Variants in CDS1 observed in about 807,000 individuals in gnomAD.
The protein encoded by CDS1 is CDP-diacylglycerol synthase 1, also known as phosphatidate cytidylyltransferase 1.
Under a neutral mutation model 62.1 loss-of-function variants are expected in CDS1, and 41 were observed. The observed-to-expected ratio is 0.66, with a 90% CI of 0.51 to 0.86. The LOEUF is 0.86. Ranked by LOEUF, CDS1 falls within the 40% of genes least tolerant of loss-of-function variation. CDS1 has a pLI of 0.00. For synonymous variants in CDS1, 185 were observed against 192.6 expected (o/e 0.96, Z 0.32); for missense variants, 470 against 550.1 (o/e 0.85, Z 1.46).
rs1724440612 is a variant in CDS1, at chr4:84,643,074, CTTTGCATCTT to C, written c.1085_1094del (p.Phe362Ter). ...AGATCCACAGCATTGCACTGTCAAC[CTTTGCATCTT>C]TAATTGGCCCATTTGGAGGCTTCTT... On this transcript the variant is annotated frameshift_variant, in exon 11 of 13. Transcript: ENST00000295887. LOFTEE classifies it high-confidence loss of function. 1 of 1,612,894 alleles carries C rather than the reference CTTTGCATCTT, an allele frequency of 6.2e-7. No individual in the cohort carries two copies. The highest frequency in any genetic ancestry group is 8.5e-7 in the Non-Finnish European group (1 of 1,179,370).
chr4:84,609,148 C>T (rs1723230264), intron 2 of CDS1, among the ~76,000 whole-genome samples: 2 of 137,052 alleles, frequency 1.5e-5, no homozygotes, highest in African/African-American at 2.9e-5. Flanking sequence ...CACTGCACTC[C>T]AGCCTGGGTG....
At chr4:84,618,882 A>G (rs1051585518) in intron 4 of CDS1, among the ~76,000 whole-genome samples, 1 of 152,176 alleles carries the variant, frequency 6.6e-6, no homozygotes, top group Non-Finnish European at 1.5e-5. Context: ...GACTTCTACT[A>G]TTAAAAAGCA....
chr4:84,623,601 T>C (rs1437297799), intron 5 of CDS1, among the ~76,000 whole-genome samples: 1 of 152,238 alleles, frequency 6.6e-6, no homozygotes, highest in Non-Finnish European at 1.5e-5. Flanking sequence ...GGCTTCCCCT[T>C]AATTTATTTT....
intron 10 of CDS1, among the ~76,000 whole-genome samples, 163 bp from the exon 11 acceptor site, chr4:84,642,861 T>G (rs1724432499): frequency 6.6e-6 from 1 of 152,296 alleles, no homozygotes; most frequent in Non-Finnish European, 1.5e-5. Context: ...ACAGAAGGCT[T>G]AAATAGACTT....
chr4:84,608,905 G>A (rs984464303), intron 2 of CDS1, among the ~76,000 whole-genome samples: 4 of 151,976 alleles, frequency 2.6e-5, no homozygotes, highest in Non-Finnish European at 5.9e-5. Context: ...CTGGCCGGGC[G>A]TGGTGGCTCA....
In CDS1 at chr4:84,604,349, C is replaced by T. The variant is rs1473597807; in HGVS notation, c.224C>T (p.Ala75Val). 6.2e-7 allele frequency: 1 copy of T among 1,613,158 alleles called. No homozygotes were observed. The highest frequency in any genetic ancestry group is 2.2e-5 in the East Asian group (1 of 44,766). Residue 75 changes from alanine to valine, a missense_variant, in exon 2 of 13, where the codon GCT becomes GTT. Ala to Val is a moderately conservative substitution (Grantham distance 64). Transcript: ENST00000295887. ...SDRTPEILKK[A>V]LSGLSSRWKN... ...AGAACCCCTGAGATTCTCAAAAAAG[C>T]TCTATCTGGTTTATCTTCAAGGTAT... is the stretch of plus-strand genomic sequence containing the variant.
intron 3 of CDS1, among the ~76,000 whole-genome samples, chr4:84,613,847 A>C (rs1255443633): frequency 1.3e-5 from 2 of 152,168 alleles, no homozygotes; most frequent in African/African-American, 4.8e-5. Flanking sequence ...AACTGTTGTC[A>C]TTAACTTTTA....
Position 84,651,266 on chromosome 4 carries a change from G to A in CDS1, c.*2580G>A, listed in dbSNP as rs535399684. 1.3e-5 allele frequency: 2 copies of A among 152,330 alleles called. No individual in the cohort carries two copies. Among genetic ancestry groups the A allele is most frequent in the East Asian group, 3.9e-4 (2 of 5,184 alleles). The allele number at this position is 152,330 out of a possible 1,614,324, so 9.4% of individuals were successfully genotyped here. A position where few individuals can be genotyped will look rare whatever the true frequency, so the allele number is the denominator to read the frequency against. On this transcript the variant is annotated 3_prime_UTR_variant, in exon 13 of 13. Coordinates refer to ENST00000295887, the MANE Select transcript of CDS1 (RefSeq NM_001263.4). ...GGGTATATGGGTGATAGCTTATGAT[G>A]TGTGTCAATCAGTTCTCTGAATCTT... is the stretch of plus-strand genomic sequence containing the variant.
At chr4:84,634,016 A>G in intron 7 of CDS1, 77 bp downstream of exon 7, 1 of 730,246 alleles carries the variant, frequency 1.4e-6, no homozygotes, top group Non-Finnish European at 2.2e-6. Flanking sequence ...ATAGTGTCTT[A>G]CAGATTTCTA....
At chr4:84,599,117 A>G (rs1272359299) in intron 1 of CDS1, among the ~76,000 whole-genome samples, 1 of 152,132 alleles carries the variant, frequency 6.6e-6, no homozygotes, top group Admixed American at 6.5e-5. Context: ...GACATTCAAG[A>G]TAAACATGCT....
chr4:84,645,396 T>C, intron 12 of CDS1, 71 bp downstream of exon 12: 1 of 939,514 alleles, frequency 1.1e-6, no homozygotes, highest in Non-Finnish European at 1.7e-6. Flanking sequence ...TTAGTTTGAG[T>C]AAGTTAACTT....
rs1724640799 is a variant in CDS1, at chr4:84,649,204, A to T, written c.*518A>T. On this transcript the variant is annotated 3_prime_UTR_variant, in exon 13 of 13. Transcript: ENST00000295887. ...TTGGATTTAAAAAAAAAAAAAAAAGATTGTCTACTTTTCAAAGAAGTAACC... is the reference window on the plus strand; with the variant it reads ...TTGGATTTAAAAAAAAAAAAAAAAGTTTGTCTACTTTTCAAAGAAGTAACC... The T allele has an allele frequency of 6.6e-6, 1 of 151,724 alleles. No homozygotes were observed. The highest frequency in any genetic ancestry group is 2.1e-4 in the South Asian group (1 of 4,808). The allele number at this position is 151,724 out of a possible 1,614,324, so 9.4% of individuals were successfully genotyped here.
At chr4:84,629,645 T>G (rs981565803) in intron 5 of CDS1, among the ~76,000 whole-genome samples, 3 of 152,192 alleles carry the variant, frequency 2.0e-5, no homozygotes, top group Non-Finnish European at 4.4e-5. Context: ...GATGACTATA[T>G]TTAGCCTCAG....
intron 8 of CDS1, among the ~76,000 whole-genome samples, chr4:84,636,681 TGC>T (rs1473732179): frequency 6.6e-6 from 1 of 152,072 alleles, no homozygotes; most frequent in East Asian, 1.9e-4. Flanking sequence ...GCTGCCACCA[TGC>T]CTGGTTAATT....
chr4:84,583,607 A>G (rs1381083017), intron 1 of CDS1, 89 bp downstream of exon 1: 4 of 719,254 alleles, frequency 5.6e-6, no homozygotes, highest in Non-Finnish European at 8.8e-6. Flanking sequence ...GGGCCCGTCC[A>G]GCGTCAGGTG....
chr4:84,588,384 A>G (rs1402542547), intron 1 of CDS1, among the ~76,000 whole-genome samples: 2 of 152,218 alleles, frequency 1.3e-5, no homozygotes, highest in African/African-American at 4.8e-5. Context: ...ACTTTGATTT[A>G]TGTAACCACC....
rs1335632826 is a variant in CDS1 at position 84,635,702 on chromosome 4, C to T, written c.810+351C>T. Among the ~76,000 whole-genome samples the T allele has an allele frequency of 1.6e-4, 21 of 130,096 alleles. No individual in the cohort carries two copies. The South Asian group carries it at 2.0e-3, about 12-fold the overall frequency. The allele number at this position is 130,096 out of a possible 152,430, so 85.3% of individuals were successfully genotyped here. A position where few individuals can be genotyped will look rare whatever the true frequency, so the allele number is the denominator to read the frequency against. On this transcript the variant is annotated intron_variant, in intron 8 of 12. Coordinates refer to ENST00000295887, the MANE Select transcript of CDS1 (RefSeq NM_001263.4). Reference sequence around the variant, plus strand: ...TCCTTCCTTCCTTCCCTCCTTCCCTCCCTCCCTCCCTCCCTCCCTTTTCAT... The same window carrying T: ...TCCTTCCTTCCTTCCCTCCTTCCCTTCCTCCCTCCCTCCCTCCCTTTTCAT...
intron 5 of CDS1, among the ~76,000 whole-genome samples, chr4:84,631,180 C>T (rs1251995333): frequency 6.6e-6 from 1 of 152,054 alleles, no homozygotes; most frequent in Non-Finnish European, 1.5e-5. Flanking sequence ...TTCATGGAAC[C>T]ACGTGACTCT....
At chr4:84,639,823 A>T (rs1187495657) in intron 9 of CDS1, among the ~76,000 whole-genome samples, 1 of 152,134 alleles carries the variant, frequency 6.6e-6, no homozygotes, top group Non-Finnish European at 1.5e-5. Context: ...TTCATTTGCA[A>T]TGAAAATTTT....
Sources: allele counts gnomAD v4.1 joint callset (sites outside exome capture counted in the v4.1 genomes callset), GRCh38; gene constraint gnomAD v4.1.1; transcripts MANE v1.5; gene names NCBI Gene and HGNC (gene_info 2026-07-23, HGNC 2026-07-21).